Variants in TMEM232 observed in about 807,000 individuals in gnomAD.
The protein encoded by TMEM232 is transmembrane protein 232.
TMEM232 carries 80 observed loss-of-function variants against 78.8 expected under a neutral mutation model. The ratio of observed to expected loss-of-function variants is 1.01; its 90% CI spans 0.85 to 1.22. The LOEUF (loss-of-function observed/expected upper bound fraction) is 1.22, where lower values mean the gene tolerates loss of function less well. Among genes scored for constraint, TMEM232 ranks in the 50% most tolerant of loss-of-function variants. The pLI is 0.00. For missense variants in TMEM232, 881 were observed against 742.2 expected (o/e 1.19, Z -2.17); for synonymous variants, 297 against 254.3 (o/e 1.17, Z -1.60).
At chr5:110,713,712 T>C (rs141425070) in intron 1 of TMEM232, among the ~76,000 whole-genome samples, 8 of 152,144 alleles carry the variant, frequency 5.3e-5, no homozygotes, top group Admixed American at 1.3e-4. Flanking sequence ...ACGAGATCTA[T>C]GGAGAAAAAA....
At chr5:110,727,812 A>G (rs956648821), upstream of TMEM232, among the ~76,000 whole-genome samples, 2 of 152,194 alleles carry the variant, frequency 1.3e-5, no homozygotes, top group African/African-American at 4.8e-5. Context: ...CACTCCTAGA[A>G]GATCAGTAAG....
At chr5:110,585,528 C>G (rs538299702) in intron 10 of TMEM232, among the ~76,000 whole-genome samples, 1 of 152,042 alleles carries the variant, frequency 6.6e-6, no homozygotes, top group African/African-American at 2.4e-5. Flanking sequence ...ATTCTTAGAC[C>G]GCAAAATATG....
intron 2 of TMEM232, among the ~76,000 whole-genome samples, chr5:110,733,372 T>C (rs181631401): frequency 8.5e-4 from 130 of 152,286 alleles, no homozygotes; most frequent in Non-Finnish European, 1.7e-3. Flanking sequence ...TAAATCATTC[T>C]ACAATAAAGA....
downstream of TMEM232, among the ~76,000 whole-genome samples, chr5:110,417,267 C>G (rs1207925097): frequency 6.6e-6 from 1 of 152,142 alleles, no homozygotes; most frequent in South Asian, 2.1e-4. Context: ...GACTAAGAGC[C>G]ATGCAAGGTA....
chr5:110,738,536 A>G (rs928440076), upstream of TMEM232, among the ~76,000 whole-genome samples: 1 of 152,088 alleles, frequency 6.6e-6, no homozygotes, highest in South Asian at 2.1e-4. Flanking sequence ...GGGCGGTACC[A>G]TATCTCTCAA....
chr5:110,515,818 G>C (rs1189258278), intron 12 of TMEM232, among the ~76,000 whole-genome samples: 1 of 152,114 alleles, frequency 6.6e-6, no homozygotes, highest in Non-Finnish European at 1.5e-5. Context: ...CTAGCCTTGG[G>C]TATGCCCTTC....
intron 10 of TMEM232, among the ~76,000 whole-genome samples, chr5:110,581,541 T>G (rs185398268): frequency 6.6e-6 from 1 of 151,964 alleles, no homozygotes; most frequent in African/African-American, 2.4e-5. Context: ...GACTTAAATG[T>G]GAGACTACAA....
intron 11 of TMEM232, among the ~76,000 whole-genome samples, chr5:110,560,383 G>A (rs1051662596): frequency 6.6e-6 from 1 of 152,078 alleles, no homozygotes; most frequent in African/African-American, 2.4e-5. Context: ...AATGCTTATA[G>A]AATAATTATT....
intron 1 of TMEM232, among the ~76,000 whole-genome samples, chr5:110,688,686 A>G (rs141658142): frequency 0.012 from 1,774 of 152,294 alleles, 21 homozygotes; most frequent in South Asian, 0.027. Context: ...TTGATGCATG[A>G]GCACTGTGAA....
chr5:110,653,287 T>TA (rs1290931801), intron 2 of TMEM232, among the ~76,000 whole-genome samples: 2 of 152,220 alleles, frequency 1.3e-5, no homozygotes, highest in Non-Finnish European at 2.9e-5. Context: ...CTGAATCACT[T>TA]AATCTGTGGG....
intron 12 of TMEM232, 90 bp from the exon 13 acceptor site, chr5:110,425,006 T>A: frequency 1.1e-6 from 1 of 914,930 alleles, no homozygotes; most frequent in Middle Eastern, 2.2e-4. Context: ...TAATTTATTA[T>A]TAAGCATTTT....
chr5:110,723,748 C>T (rs1797884700), intron 1 of TMEM232, among the ~76,000 whole-genome samples: 2 of 152,188 alleles, frequency 1.3e-5, no homozygotes, highest in African/African-American at 4.8e-5. Context: ...GGCTAAAAAA[C>T]ATTTCTCCTG....
intron 11 of TMEM232, among the ~76,000 whole-genome samples, chr5:110,530,653 C>T (rs1053883216): frequency 6.6e-6 from 1 of 152,118 alleles, no homozygotes; most frequent in East Asian, 1.9e-4. Flanking sequence ...CATGATCTCA[C>T]TTACATGTAA....
chr5:110,417,991 T>TA (rs1227211854), downstream of TMEM232: 1 of 152,160 alleles, frequency 6.6e-6, no homozygotes, highest in Non-Finnish European at 1.5e-5. Flanking sequence ...GTACCAGCAA[T>TA]AACTGGGCAA....
At chr5:110,703,955 C>T (rs1795678331) in intron 1 of TMEM232, among the ~76,000 whole-genome samples, 1 of 152,026 alleles carries the variant, frequency 6.6e-6, no homozygotes, top group African/African-American at 2.4e-5. Context: ...TGAAAAACAT[C>T]AATTATCCCC....
chr5:110,729,864 G>C (rs889879761), upstream of TMEM232, among the ~76,000 whole-genome samples: 12 of 152,040 alleles, frequency 7.9e-5, no homozygotes, highest in African/African-American at 2.9e-4. Flanking sequence ...GTAACAAATT[G>C]AGTTTCTGTT....
intron 2 of TMEM232, among the ~76,000 whole-genome samples, chr5:110,734,146 T>C (rs1363909155): frequency 6.6e-6 from 1 of 152,242 alleles, no homozygotes; most frequent in Non-Finnish European, 1.5e-5. Context: ...ATCTTAGTGG[T>C]TTAAAATACA....
intron 10 of TMEM232, among the ~76,000 whole-genome samples, chr5:110,589,666 T>C (rs1779269526): frequency 6.6e-6 from 1 of 152,126 alleles, no homozygotes; most frequent in Non-Finnish European, 1.5e-5. Context: ...GGGGATAATA[T>C]GAGTATCTGT....
chr5:110,734,129 C>A lies in TMEM232; in HGVS notation c.-13+774G>T, dbSNP rs78646897. 5.1e-4 allele frequency among the ~76,000 whole-genome samples: 77 copies of A among 152,292 alleles called. 1 individual carries two copies. The East Asian group carries it at 0.012, about 23-fold the overall frequency. On this transcript the variant is annotated intron_variant, in intron 2 of 4. Coordinates refer to the TMEM232 transcript ENST00000512886. ...AAGCATCATGTTAGTCACCTATCAC[C>A]AAAATAATCTTAGTGGTTTAAAATA... is the stretch of plus-strand genomic sequence containing the variant.
Sources: allele counts gnomAD v4.1 joint callset (sites outside exome capture counted in the v4.1 genomes callset), GRCh38; gene constraint gnomAD v4.1.1; transcripts MANE v1.5; gene names NCBI Gene and HGNC (gene_info 2026-07-23, HGNC 2026-07-21).